The following JAK1 variants were observed in gnomAD, a reference collection of about 807,000 sequenced individuals.
JAK1 encodes the protein tyrosine-protein kinase JAK1.
Under a neutral mutation model 136.6 loss-of-function variants are expected in JAK1, and 16 were observed. The ratio of observed to expected loss-of-function variants is 0.12; its 90% CI spans 0.08 to 0.18. The LOEUF is 0.18. JAK1 is among the 10% of genes least tolerant of loss of function. The pLI is 1.00. For synonymous variants in JAK1, 492 were observed against 519.5 expected (o/e 0.95, Z 0.72); for missense variants, 859 against 1,450.1 (o/e 0.59, Z 6.62).
At chr1:65,062,059 T>C (rs1459907735) in intron 1 of JAK1, among the ~76,000 whole-genome samples, 1 of 152,066 alleles carries the variant, frequency 6.6e-6, no homozygotes, top group Non-Finnish European at 1.5e-5. Flanking sequence ...AAAAACCCTA[T>C]GGACACGGTA....
At chr1:65,019,671 C>G (rs1646920289) in intron 2 of JAK1, among the ~76,000 whole-genome samples, 1 of 152,132 alleles carries the variant, frequency 6.6e-6, no homozygotes, top group African/African-American at 2.4e-5. Flanking sequence ...AATCCTAACA[C>G]TTTGGGAGGC....
At position 64,855,616 on chromosome 1, in the gene JAK1, C is replaced by T. The variant is rs769801111; in HGVS notation, c.1541G>A (p.Arg514His). 7 of 1,613,988 alleles carry T rather than the reference C, an allele frequency of 4.3e-6. No homozygotes were observed. The highest frequency in any genetic ancestry group is 2.2e-5 in the East Asian group (1 of 44,900). The stretch of plus-strand genomic sequence containing the variant: ...GAGGTCTCCCAAGCTGGGGAAGCTG[C>T]GGTCCGAACCGTGCAGACTGTAGCG... ...KGRYSLHGSD[R>H]SFPSLGDLMS... The change falls in exon 11 of 25, where the codon CGC becomes CAC. Residue 514 changes from arginine to histidine, a missense_variant. Physicochemically the swap from Arg to His is conservative, Grantham distance 29. Transcript: ENST00000342505.
rs1656739289 is a variant in JAK1, at chr1:64,866,923, G to T, written c.933C>A (p.Leu311=). 1.2e-6 allele frequency: 2 copies of T among 1,614,068 alleles called. No individual in the cohort carries two copies. The highest frequency in any genetic ancestry group is 1.7e-6 in the Non-Finnish European group (2 of 1,180,014). ...WFHSNDGGNV[L]YYEVMVTGNL... ...TCCCAGTCACCATCACTTCGTAGTA[G>T]AGAACGTTTCCACCGTCATTCGAAT... Residue 311 remains leucine, a synonymous_variant, in exon 7 of 25, where the codon CTC becomes CTA. Transcript: ENST00000342505.
intron 1 of JAK1, among the ~76,000 whole-genome samples, chr1:64,901,791 T>G (rs115395857): frequency 6.6e-6 from 1 of 152,202 alleles, no homozygotes; most frequent in Non-Finnish European, 1.5e-5. Flanking sequence ...CCCATGTCAC[T>G]CTCCATTCTC....
rs374400087 is a variant in JAK1 at position 64,985,421 on chromosome 1, G to T, written c.-78+59059C>A. ...CCTGGGTGCCCCACAACCACTGGAG[G>T]ATCTCCTTAGCATTCTCCTCTTCTT... is the stretch of plus-strand genomic sequence containing the variant. On this transcript the variant is annotated intron_variant, in intron 2 of 25. Transcript: ENST00000671954. 4 of 1,609,002 alleles carry T rather than the reference G, an allele frequency of 2.5e-6. No homozygotes were observed. The Admixed American group carries it at 5.0e-5, about 20-fold the overall frequency.
intron 1 of JAK1, among the ~76,000 whole-genome samples, chr1:64,913,091 T>C (rs750119978): frequency 1.3e-5 from 2 of 152,164 alleles, no homozygotes; most frequent in Non-Finnish European, 2.9e-5. Flanking sequence ...CAATCTTGGC[T>C]CACTGCAATC....
intron 4 of JAK1, among the ~76,000 whole-genome samples, chr1:64,878,021 T>A (rs1165618444): frequency 6.6e-6 from 1 of 152,172 alleles, no homozygotes; most frequent in Non-Finnish European, 1.5e-5. Context: ...TGTGTAATGG[T>A]GACAACTCCA....
chr1:64,979,385 T>C (rs571140379), intron 2 of JAK1, among the ~76,000 whole-genome samples: 1 of 152,156 alleles, frequency 6.6e-6, no homozygotes, highest in South Asian at 2.1e-4. Flanking sequence ...GGTGACAGAG[T>C]GAGACCTCAC....
chr1:65,064,107 T>C lies in JAK1; in HGVS notation c.-181+3497A>G, dbSNP rs529451887. On this transcript the variant is annotated intron_variant, in intron 1 of 25. Coordinates refer to the JAK1 transcript ENST00000671954. ...ACTTACATATCCCAATTCTAAATTT[T>C]CATCAAAATACTTAATTTGCGTTTG... 5.9e-5 allele frequency among the ~76,000 whole-genome samples: 9 copies of C among 152,350 alleles called. No individual in the cohort carries two copies. In the South Asian group the frequency reaches 1.7e-3, roughly 28 times the overall value.
At chr1:64,960,440 C>T (rs1646262336) in intron 1 of JAK1, among the ~76,000 whole-genome samples, 1 of 118,680 alleles carries the variant, frequency 8.4e-6, no homozygotes. Context: ...CCTCCAAAAA[C>T]AGACTATCAG....
rs530604490 is a variant in JAK1 at position 64,843,854 on chromosome 1, G to A, written c.2403+210C>T. On this transcript the variant is annotated intron_variant, in intron 17 of 24. Transcript: ENST00000342505. ...AATCTTCACAACAACCCTACAAGTA[G>A]TTACTGATTATCCCCATTTTATAGA... is the stretch of plus-strand genomic sequence containing the variant. Among the ~76,000 whole-genome samples, 17 of 152,250 alleles carry A rather than the reference G, an allele frequency of 1.1e-4. No homozygotes were observed. The East Asian group carries it at 3.3e-3, about 29-fold the overall frequency.
rs965889474 is a variant in JAK1 at position 64,833,995 on chromosome 1, T to C, written c.*567A>G. Reference sequence around the variant, plus strand: ...AGCCACTGGAGAAACAAAGTTTAAGTCCTACTGGTGAGAGAATACAGTCAT... The same window carrying C: ...AGCCACTGGAGAAACAAAGTTTAAGCCCTACTGGTGAGAGAATACAGTCAT... On this transcript the variant is annotated 3_prime_UTR_variant, in exon 25 of 25. Coordinates refer to ENST00000342505, the MANE Select transcript of JAK1 (RefSeq NM_002227.4). 1 of 232,806 alleles carries C rather than the reference T, an allele frequency of 4.3e-6. No homozygotes were observed. The highest frequency in any genetic ancestry group is 8.5e-6 in the Non-Finnish European group (1 of 117,850). The allele number at this position is 232,806 out of a possible 1,614,324, so 14.4% of individuals were successfully genotyped here. A position where few individuals can be genotyped will look rare whatever the true frequency, so the allele number is the denominator to read the frequency against.
intron 1 of JAK1, among the ~76,000 whole-genome samples, chr1:64,934,161 G>C (rs1011347227): frequency 6.6e-6 from 1 of 152,114 alleles, no homozygotes; most frequent in African/African-American, 2.4e-5. Flanking sequence ...AGCAACTCCT[G>C]TTCCTGGTCA....
At chr1:65,054,360 T>A (rs1361523352) in intron 1 of JAK1, among the ~76,000 whole-genome samples, 1 of 152,152 alleles carries the variant, frequency 6.6e-6, no homozygotes, top group East Asian at 1.9e-4. Context: ...TATGTTTATA[T>A]TTTAATAACA....
At chr1:64,956,299 C>T (rs184081294) in intron 1 of JAK1, among the ~76,000 whole-genome samples, 32 of 152,280 alleles carry the variant, frequency 2.1e-4, no homozygotes, top group African/African-American at 5.5e-4. Context: ...GAAAGAAAGA[C>T]GGTATCAATC....
At position 64,844,598 on chromosome 1, in the gene JAK1, C is replaced by G. The variant is rs1425978596; in HGVS notation, c.2251+156G>C. Among the ~76,000 whole-genome samples the G allele has an allele frequency of 8.9e-6, 1 of 111,830 alleles. No homozygotes were observed. The highest frequency in any genetic ancestry group is 1.8e-5 in the Non-Finnish European group (1 of 54,496). The allele number at this position is 111,830 out of a possible 152,430, so 73.4% of individuals were successfully genotyped here. Reference sequence around the variant, plus strand: ...AAGGACTTAAGAGAAGGCAGGAGATCAAGACCATCCTGGCCAACATGGTGA... The same window carrying G: ...AAGGACTTAAGAGAAGGCAGGAGATGAAGACCATCCTGGCCAACATGGTGA... On this transcript the variant is annotated intron_variant, in intron 16 of 24. Transcript: ENST00000342505. The surrounding 1 kb of genome is among the most constrained non-coding windows in gnomAD (Gnocchi z 5.7).
rs1216758571 is a variant in JAK1, at chr1:64,847,510, G to A, written c.1899+22C>T. The stretch of plus-strand genomic sequence containing the variant: ...CCAGAAACGGGAGAGGGGAGGGGAG[G>A]AGTTCAGAGGAAGACACTTGCCAGG... On this transcript the variant is annotated intron_variant, in intron 13 of 24. Transcript: ENST00000342505. 4 of 1,613,172 alleles carry A rather than the reference G, an allele frequency of 2.5e-6. No homozygotes were observed. The African/African-American group carries it at 4.0e-5, about 16-fold the overall frequency.
chr1:64,896,402 G>A (rs555069840), intron 1 of JAK1, among the ~76,000 whole-genome samples: 20 of 152,280 alleles, frequency 1.3e-4, no homozygotes, highest in African/African-American at 3.6e-4. Flanking sequence ...CTCCAGCCAC[G>A]GAGCTTCTTT....
chr1:64,987,816 TG>T (rs1317712759), intron 2 of JAK1: 1 of 152,246 alleles, frequency 6.6e-6, no homozygotes, highest in African/African-American at 2.4e-5. Context: ...AGAAAGGGGA[TG>T]TGAAATGTTG....
Sources: gnomAD v4.1 joint callset for allele counts (sites outside exome capture counted in the v4.1 genomes callset) on GRCh38, gnomAD v4.1.1 for gene constraint, Gnocchi (gnomAD v3.1) non-coding constraint, MANE v1.5 for transcripts, NCBI Gene and HGNC (gene_info 2026-07-23, HGNC 2026-07-21) for gene names.